The following TMEM94 variants were observed in gnomAD, a reference collection of about 807,000 sequenced individuals.
The protein encoded by TMEM94 is transmembrane protein 94.
In TMEM94, 81 loss-of-function variants were observed where a neutral mutation model predicts 158.6. The ratio of observed to expected loss-of-function variants is 0.51; its 90% CI spans 0.43 to 0.61. The LOEUF (loss-of-function observed/expected upper bound fraction) is 0.61, where lower values mean the gene tolerates loss of function less well. TMEM94 is among the 20% of genes least tolerant of loss of function. The probability of loss-of-function intolerance (pLI) is 0.00; values close to 1 mark genes in which losing one functional copy is unlikely to be tolerated. For missense variants in TMEM94, 1,435 were observed against 1,762.0 expected, an observed-to-expected ratio of 0.81 and a Z score of 3.32; for synonymous variants, 751 against 730.7, an observed-to-expected ratio of 1.03 and a Z score of -0.45.
intron 26 of TMEM94, 63 bp from the exon 27 acceptor site, chr17:75,497,718 C>T: frequency 1.4e-6 from 2 of 1,391,280 alleles, no homozygotes; most frequent in South Asian, 2.3e-5. Flanking sequence ...GAGGTTCCCT[C>T]TATGAGAATT....
At chr17:75,496,870 T>G in intron 25 of TMEM94, 63 bp downstream of exon 25, 2 of 1,529,980 alleles carry the variant, frequency 1.3e-6, no homozygotes, top group South Asian at 2.2e-5. Context: ...AGGGGCCAGC[T>G]GAAAATCTGA....
rs189244428 is a variant in TMEM94 at position 75,498,594 on chromosome 17, G to C, written c.3734-35G>C. On this transcript the variant is annotated intron_variant, in intron 29 of 31. Transcript: ENST00000314256. The surrounding 1 kb of genome is among the most constrained non-coding windows in gnomAD (Gnocchi z 6.7). ...ATGGTGGGAGAGGAGCCCCACTGTG[G>C]AAGTCTGACCCCCACATCGCCCCAC... The C allele has an allele frequency of 4.0e-4, 651 of 1,613,150 alleles. 2 individuals are homozygous for C. The highest frequency in any genetic ancestry group is 5.1e-4 in the Non-Finnish European group (604 of 1,179,656).
chr17:75,491,084 G>T lies in TMEM94; in HGVS notation c.1164G>T (p.Arg388Ser). Reference protein sequence around the residue: ...MLRCIWGHFLRVLGGTSPTLS... With the variant: ...MLRCIWGHFLSVLGGTSPTLS... ...GCTGCATTTGGGGCCACTTCCTGAG[G>T]GTGCTCGGGGGGACATCGCCAACGC... is the stretch of plus-strand genomic sequence containing the variant. The change falls in exon 12 of 32, where the codon AGG (arginine) becomes AGT (serine). Residue 388 changes from arginine (R) to serine (S), a missense_variant. By Grantham distance (110) the Arg-to-Ser change is moderately radical. This residue lies in a region of TMEM94 where 1,051 missense variants were observed against 1,254.4 expected (regional missense o/e 0.84). Transcript: ENST00000314256. The surrounding 1 kb of genome is among the most constrained non-coding windows in gnomAD (Gnocchi z 5.1). 1 of 1,613,454 alleles carries T rather than the reference G, an allele frequency of 6.2e-7. No individual in the cohort carries two copies. The highest frequency in any genetic ancestry group is 8.5e-7 in the Non-Finnish European group (1 of 1,179,722).
chr17:75,485,411 C>T lies in TMEM94; in HGVS notation c.25-17C>T. ...TTGGCCTGGCAGTGACGCCCAGCGC[C>T]TCCTGCTTGCCTGCAGGGCGAGCCT... On this transcript the variant is annotated splice_polypyrimidine_tract_variant and intron_variant, in intron 2 of 31. Coordinates refer to ENST00000314256, the MANE Select transcript of TMEM94 (RefSeq NM_014738.6). This position sits in a 1 kb window ranked among gnomAD's most constrained non-coding sequence, Gnocchi z 5.5. 1.9e-6 allele frequency: 3 copies of T among 1,606,842 alleles called. No individual in the cohort carries two copies. The highest frequency in any genetic ancestry group is 2.6e-6 in the Non-Finnish European group (3 of 1,174,494).
Position 75,495,797 on chromosome 17 carries a change from T to C in TMEM94, c.2944+154T>C. 1 of 865,134 alleles carries C rather than the reference T, an allele frequency of 1.2e-6. No individual in the cohort carries two copies. The highest frequency in any genetic ancestry group is 2.6e-5 in the East Asian group (1 of 38,642). The allele number at this position is 865,134 out of a possible 1,614,324, so 53.6% of individuals were successfully genotyped here. ...GGATCAGCTGGGGAATCTTGTGGGT[T>C]GGAGTCAGAAGTGCCGATGTTCACA... On this transcript the variant is annotated intron_variant, in intron 22 of 31. Transcript: ENST00000314256. The surrounding 1 kb of genome is among the most constrained non-coding windows in gnomAD (Gnocchi z 5.6).
chr17:75,500,028 A>G lies in TMEM94; in HGVS notation c.*694A>G, dbSNP rs2053136306. On this transcript the variant is annotated 3_prime_UTR_variant, in exon 32 of 32. Coordinates refer to ENST00000314256, the MANE Select transcript of TMEM94 (RefSeq NM_014738.6). The stretch of plus-strand genomic sequence containing the variant: ...TACTGGTGTATATTTTTTACTGGAA[A>G]TGAGCCTTTTAGGAATGAATGTAGA... 1 of 152,792 alleles carries G rather than the reference A, an allele frequency of 6.5e-6. No individual in the cohort carries two copies. Among genetic ancestry groups the G allele is most frequent in the Non-Finnish European group, 1.5e-5 (1 of 68,322 alleles). 9.5% of individuals were successfully genotyped at this position (152,792 alleles called of 1,614,324 possible).
intron 1 of TMEM94, among the ~76,000 whole-genome samples, chr17:75,471,552 C>G (rs893766657): frequency 6.6e-6 from 1 of 152,076 alleles, no homozygotes. Flanking sequence ...AAAACCCTGT[C>G]TCTACTGAAA....
rs571022275 is a variant in TMEM94 at position 75,493,451 on chromosome 17, G to T, written c.2087-40G>T. 19 of 1,589,758 alleles carry T rather than the reference G, an allele frequency of 1.2e-5. No homozygotes were observed. In the South Asian group the frequency reaches 1.3e-4, roughly 11 times the overall value. ...TTGCCTGTCAGGTCAGCGTGAGGGG[G>T]CTGGTTAGCGACACTCAGGGTTTGA... On this transcript the variant is annotated intron_variant, in intron 16 of 31. Transcript: ENST00000314256.
At chr17:75,497,978 G>A (rs1183685135) in intron 27 of TMEM94, 116 bp downstream of exon 27, 18 of 1,176,946 alleles carry the variant, frequency 1.5e-5, no homozygotes, top group Non-Finnish European at 2.1e-5. Context: ...GCAGAACTCC[G>A]GCACTTGGTT....
At chr17:75,488,377 A>C (rs2146628578) in intron 6 of TMEM94, among the ~76,000 whole-genome samples, 1 of 152,242 alleles carries the variant, frequency 6.6e-6, no homozygotes, top group African/African-American at 2.4e-5. Context: ...CCTGGGTTCA[A>C]GCGATTCTCC....
intron 25 of TMEM94, 72 bp from the exon 26 acceptor site, chr17:75,497,041 A>G: frequency 7.4e-7 from 1 of 1,352,586 alleles, no homozygotes; most frequent in South Asian, 1.2e-5. Flanking sequence ...AGGGCAAGGG[A>G]GCTCGGGGGC....
At chr17:75,460,553 G>T (rs2050030377) in intron 1 of TMEM94, among the ~76,000 whole-genome samples, 1 of 147,392 alleles carries the variant, frequency 6.8e-6, no homozygotes, top group African/African-American at 2.6e-5. Flanking sequence ...TTGCTCTGTA[G>T]CCCATGTTGG....
intron 2 of TMEM94, among the ~76,000 whole-genome samples, chr17:75,479,980 G>A (rs923012754): frequency 1.3e-5 from 2 of 152,008 alleles, no homozygotes; most frequent in East Asian, 1.9e-4. Context: ...TCAGCTGCTT[G>A]GAGGCTGAGG....
At position 75,496,798 on chromosome 17, in the gene TMEM94, G is replaced by C; in HGVS notation, c.3312G>C (p.Val1104=). Reference sequence around the variant, plus strand: ...TGCTGCAGTGCCAGCTGACTCTTGTGGTCATCCAGGTGAGGTGGGGCCCGC... The same window carrying C: ...TGCTGCAGTGCCAGCTGACTCTTGTCGTCATCCAGGTGAGGTGGGGCCCGC... ...LFLLQCQLTL[V]VIQFLSCLVQ... is the part of the protein sequence containing the mutation. Residue 1104 remains valine (V), a synonymous_variant, in exon 25 of 32, where the codon GTG becomes GTC. Coordinates refer to ENST00000314256, the MANE Select transcript of TMEM94 (RefSeq NM_014738.6). The C allele has an allele frequency of 6.2e-7, 1 of 1,613,614 alleles. No homozygotes were observed. The highest frequency in any genetic ancestry group is 8.5e-7 in the Non-Finnish European group (1 of 1,179,968).
At chr17:75,470,598 A>G (rs1399725011) in intron 1 of TMEM94, among the ~76,000 whole-genome samples, 3 of 152,006 alleles carry the variant, frequency 2.0e-5, no homozygotes, top group East Asian at 2.0e-4. Context: ...CCAGCTACAC[A>G]GGAGGCTGAG....
Position 75,498,457 on chromosome 17 carries a change from G to C in TMEM94, c.3652G>C (p.Ala1218Pro). The part of the protein sequence containing the change: ...SVMLPSNDDR[A>P]PAWFEDFANG... Reference sequence around the variant, plus strand: ...TCACTTTGGCAGCAACGACGACAGGGCTCCAGCCTGGTTTGAGGACTTTGC... The same window carrying C: ...TCACTTTGGCAGCAACGACGACAGGCCTCCAGCCTGGTTTGAGGACTTTGC... The change falls in exon 29 of 32, where the codon GCT becomes CCT. Residue 1218 changes from alanine (A) to proline (P), a missense_variant. By Grantham distance (27) the Ala-to-Pro change is conservative (BLOSUM62 -1). Transcript: ENST00000314256. The surrounding 1 kb of genome is among the most constrained non-coding windows in gnomAD (Gnocchi z 6.7). 6.3e-7 allele frequency: 1 copy of C among 1,587,790 alleles called. No homozygotes were observed. Among genetic ancestry groups the C allele is most frequent in the Non-Finnish European group, 8.6e-7 (1 of 1,165,328 alleles).
intron 2 of TMEM94, among the ~76,000 whole-genome samples, chr17:75,472,491 GAC>G (rs1244293349): frequency 1.3e-5 from 2 of 152,226 alleles, no homozygotes; most frequent in Non-Finnish European, 2.9e-5. Flanking sequence ...CCTTGACAAA[GAC>G]TGCCCCAGAG....
Position 75,487,878 on chromosome 17 carries a change from T to A in TMEM94, c.410-54T>A, listed in dbSNP as rs1489724034. ...TTCCGGAAGTGCTGCTGTATCTGAC[T>A]GGGGGGCAGGGCCGTGGCTGAGAGG... On this transcript the variant is annotated intron_variant, in intron 5 of 31. Transcript: ENST00000314256. This position sits in a 1 kb window ranked among gnomAD's most constrained non-coding sequence, Gnocchi z 4.6. 6.7e-7 allele frequency: 1 copy of A among 1,488,416 alleles called. No individual in the cohort carries two copies. 92.2% of individuals were successfully genotyped at this position (1,488,416 alleles called of 1,614,324 possible). A position where few individuals can be genotyped will look rare whatever the true frequency, so the allele number is the denominator to read the frequency against.
In TMEM94 at chr17:75,498,656, G is replaced by T. The variant is rs1274989008; in HGVS notation, c.3761G>T (p.Arg1254Leu). The T allele has an allele frequency of 6.2e-7, 1 of 1,604,084 alleles. No homozygotes were observed. Among genetic ancestry groups the T allele is most frequent in the Non-Finnish European group, 8.5e-7 (1 of 1,175,030 alleles). The change falls in exon 30 of 32, where the codon CGC (arginine) becomes CTC (leucine). Residue 1254 changes from arginine (R) to leucine (L), a missense_variant. By Grantham distance (102) the Arg-to-Leu change is moderately radical. Transcript: ENST00000314256. The surrounding 1 kb of genome is among the most constrained non-coding windows in gnomAD (Gnocchi z 6.7). ...TVFISITHVH[R>L]TKPLWRKSPL... ...TTCATTTCCATCACCCATGTGCATC[G>T]CACCAAGCCCCTGTGGAGAAAGAGC...
Sources: gnomAD v4.1 joint callset for allele counts (sites outside exome capture counted in the v4.1 genomes callset) on GRCh38, gnomAD v4.1.1 for gene constraint, gnomAD v4.1.1 regional missense constraint, Gnocchi (gnomAD v3.1) non-coding constraint, MANE v1.5 for transcripts, NCBI Gene and HGNC (gene_info 2026-07-23, HGNC 2026-07-21) for gene names.